PDE1C: variants seen among roughly 807,000 people sequenced by gnomAD.
PDE1C encodes dual specificity calcium/calmodulin-dependent 3',5'-cyclic nucleotide phosphodiesterase 1C.
A neutral mutation model predicts 93.1 loss-of-function variants in PDE1C; 62 were observed. That is an observed-to-expected ratio of 0.67 (90% CI 0.54 to 0.82). PDE1C has a LOEUF of 0.82. Ranked by LOEUF, PDE1C falls within the 40% of genes least tolerant of loss-of-function variation. The pLI is 0.00. For synonymous variants in PDE1C, 325 were observed against 310.1 expected (o/e 1.05, Z -0.50); for missense variants, 742 against 884.6 (o/e 0.84, Z 2.04).
intron 2 of PDE1C, among the ~76,000 whole-genome samples, chr7:32,009,259 T>C (rs978920476): frequency 6.6e-6 from 1 of 152,106 alleles, no homozygotes; most frequent in African/African-American, 2.4e-5. Context: ...CCAACACAAG[T>C]AACCCAGGTG....
chr7:31,643,958 G>A, the PDE1C span: 42 of 1,597,148 alleles, frequency 2.6e-5, no homozygotes, highest in Non-Finnish European at 3.6e-5. Context: ...TGTTCCGTAA[G>A]TGTTCACCCT....
chr7:31,656,457 T>A, the PDE1C span: 1 of 968,066 alleles, frequency 1.0e-6, no homozygotes, highest in Non-Finnish European at 1.2e-6. Context: ...GCATGTTGGC[T>A]ATTATTACAA....
intron 1 of PDE1C, among the ~76,000 whole-genome samples, chr7:32,266,839 G>C (rs948650598): frequency 2.1e-5 from 3 of 140,656 alleles, no homozygotes; most frequent in African/African-American, 7.9e-5. Flanking sequence ...TCGGTCCTCA[G>C]ATGCCAAGAT....
chr7:31,850,791 CT>C (rs757466984), intron 7 of PDE1C, 50 bp from the exon 8 acceptor site: 1 of 1,351,314 alleles, frequency 7.4e-7, no homozygotes, highest in South Asian at 1.2e-5. Flanking sequence ...TTCTCAAAGT[CT>C]TCAGCTTGCT....
At chr7:32,181,554 G>A (rs1294991218) in intron 2 of PDE1C, among the ~76,000 whole-genome samples, 1 of 152,022 alleles carries the variant, frequency 6.6e-6, no homozygotes, top group Non-Finnish European at 1.5e-5. Flanking sequence ...TGACTACTGG[G>A]TACATAACGA....
At chr7:31,652,771 G>T in the PDE1C span, 1 of 1,613,862 alleles carries the variant, frequency 6.2e-7, no homozygotes, top group African/African-American at 1.3e-5. Flanking sequence ...GCAAAGTTAG[G>T]TCCAACCCCT....
intron 1 of PDE1C, among the ~76,000 whole-genome samples, chr7:32,057,666 C>T (rs1402404080): frequency 6.6e-6 from 1 of 152,106 alleles, no homozygotes; most frequent in Non-Finnish European, 1.5e-5. Flanking sequence ...ACTAAGCAAG[C>T]TTAAGGGGTG....
chr7:32,401,354 C>T (rs1161432410), intron 1 of PDE1C, among the ~76,000 whole-genome samples: 1 of 151,974 alleles, frequency 6.6e-6, no homozygotes, highest in Non-Finnish European at 1.5e-5. Context: ...CTGGCTAACA[C>T]AGTGAAACCC....
intron 1 of PDE1C, among the ~76,000 whole-genome samples, chr7:32,337,730 G>GA (rs1236207443): frequency 6.6e-6 from 1 of 151,562 alleles, no homozygotes; most frequent in African/African-American, 2.4e-5. Flanking sequence ...GGGAAAGGAG[G>GA]GGGGAGAAGA....
chr7:31,620,776 G>T, the PDE1C span, among the ~76,000 whole-genome samples: 1 of 152,180 alleles, frequency 6.6e-6, no homozygotes, highest in Non-Finnish European at 1.5e-5. Context: ...CTTTGAGGAG[G>T]CGAGAGAAGA....
the PDE1C span, chr7:31,652,589 A>G: frequency 6.2e-7 from 1 of 1,612,756 alleles, no homozygotes; most frequent in South Asian, 1.1e-5. Flanking sequence ...GGATAGAAGA[A>G]AGCAATGGGC....
At chr7:32,058,263 G>A (rs910978962) in intron 1 of PDE1C, among the ~76,000 whole-genome samples, 2 of 152,200 alleles carry the variant, frequency 1.3e-5, no homozygotes, top group Middle Eastern at 3.4e-3. Flanking sequence ...TACCACCGCC[G>A]ACACACAGAC....
At chr7:32,183,312 G>T (rs6979498) in intron 2 of PDE1C, among the ~76,000 whole-genome samples, 2 of 151,776 alleles carry the variant, frequency 1.3e-5, no homozygotes, top group Non-Finnish European at 1.5e-5. Context: ...TTAAACTTCA[G>T]GTGGAACCAA....
intron 1 of PDE1C, among the ~76,000 whole-genome samples, chr7:32,249,827 A>G (rs1809232706): frequency 6.6e-6 from 1 of 152,206 alleles, no homozygotes; most frequent in Non-Finnish European, 1.5e-5. Flanking sequence ...TTCTAAAGTT[A>G]GTTCACGAGG....
At chr7:31,622,777 T>C in the PDE1C span, among the ~76,000 whole-genome samples, 47 of 151,738 alleles carry the variant, frequency 3.1e-4, no homozygotes, top group African/African-American at 1.1e-3. Context: ...CTGAAGGAAA[T>C]AGAGACACAA....
At chr7:31,718,612 T>A in the PDE1C span, among the ~76,000 whole-genome samples, 1 of 151,970 alleles carries the variant, frequency 6.6e-6, no homozygotes, top group African/African-American at 2.4e-5. Flanking sequence ...AGCACCAGAG[T>A]GCTAGGGGCT....
At chr7:32,070,515 G>C (rs537888638), upstream of PDE1C, 132 of 1,517,214 alleles carry the variant, frequency 8.7e-5, no homozygotes, top group East Asian at 2.8e-3. Flanking sequence ...GCACTTTCTC[G>C]GCGCGCTCCC....
the PDE1C span, among the ~76,000 whole-genome samples, chr7:31,673,977 C>T: frequency 2.6e-5 from 4 of 152,258 alleles, no homozygotes; most frequent in African/African-American, 7.2e-5. Context: ...CTGGGGCATG[C>T]ATTTCATTCA....
At chr7:32,258,504 T>A (rs10239582) in intron 1 of PDE1C, among the ~76,000 whole-genome samples, 21,146 of 152,148 alleles carry the variant, frequency 0.14, 1,854 homozygotes, top group African/African-American at 0.24. Flanking sequence ...ACTGATGTGC[T>A]GAGGGACAAG....
Sources: gnomAD v4.1 joint callset for allele counts (sites outside exome capture counted in the v4.1 genomes callset) on GRCh38, gnomAD v4.1.1 for gene constraint, MANE v1.5 for transcripts, NCBI Gene and HGNC (gene_info 2026-07-23, HGNC 2026-07-21) for gene names.